HS3ST4: variants seen among roughly 807,000 people sequenced by gnomAD.
HS3ST4 encodes heparan sulfate glucosamine 3-O-sulfotransferase 4.
A neutral mutation model predicts 29.2 loss-of-function variants in HS3ST4; 17 were observed. The observed-to-expected ratio is 0.58, with a 90% confidence interval of 0.40 to 0.87. The LOEUF (loss-of-function observed/expected upper bound fraction) is 0.87. Among genes scored for constraint, HS3ST4 ranks in the 40% least tolerant of loss-of-function variants. The pLI is 0.00. For synonymous variants in HS3ST4, 314 were observed against 285.7 expected, an observed-to-expected ratio of 1.10 and a Z score of -1.00; for missense variants, 627 against 634.5, an observed-to-expected ratio of 0.99 and a Z score of 0.13.
chr16:25,939,299 C>T (rs1455865221), intron 1 of HS3ST4, among the ~76,000 whole-genome samples: 1 of 148,552 alleles, frequency 6.7e-6, no homozygotes, highest in Non-Finnish European at 1.5e-5. Flanking sequence ...TAAATGCTGA[C>T]AGCATTTATT....
chr16:25,897,746 A>T (rs758581143), intron 1 of HS3ST4, among the ~76,000 whole-genome samples: 1 of 151,834 alleles, frequency 6.6e-6, no homozygotes, highest in Non-Finnish European at 1.5e-5. Flanking sequence ...GAGGTGCTGG[A>T]TTGTGTTCCT....
intron 1 of HS3ST4, among the ~76,000 whole-genome samples, chr16:26,086,201 G>A (rs926784482): frequency 1.3e-5 from 2 of 151,884 alleles, no homozygotes; most frequent in Non-Finnish European, 2.9e-5. Context: ...TCGCCCTCTA[G>A]CCCTCTTGTT....
At chr16:26,026,508 A>C (rs1171123744) in intron 1 of HS3ST4, among the ~76,000 whole-genome samples, 3 of 152,168 alleles carry the variant, frequency 2.0e-5, no homozygotes, top group African/African-American at 7.2e-5. Context: ...TTTTCCATGC[A>C]GGCTAGCTTT....
At chr16:25,728,610 C>G (rs1192853996) in intron 1 of HS3ST4, among the ~76,000 whole-genome samples, 1 of 152,054 alleles carries the variant, frequency 6.6e-6, no homozygotes, top group Admixed American at 6.6e-5. Flanking sequence ...TTAAAGAAAG[C>G]CTCTGGGCAG....
chr16:26,000,905 T>G (rs1010200529), intron 1 of HS3ST4, among the ~76,000 whole-genome samples: 2 of 152,130 alleles, frequency 1.3e-5, no homozygotes, highest in African/African-American at 4.8e-5. Flanking sequence ...CTGGGGAAAG[T>G]TTTGTTTTTA....
chr16:25,863,670 G>A (rs1967661192), intron 1 of HS3ST4, among the ~76,000 whole-genome samples: 1 of 152,108 alleles, frequency 6.6e-6, no homozygotes, highest in African/African-American at 2.4e-5. Flanking sequence ...TTATAGACAG[G>A]TGTTATGTGT....
intron 1 of HS3ST4, among the ~76,000 whole-genome samples, chr16:25,945,035 TTAGA>T (rs1179722027): frequency 6.6e-6 from 1 of 152,202 alleles, no homozygotes; most frequent in Non-Finnish European, 1.5e-5. Flanking sequence ...AAACAGAATA[TTAGA>T]TAGTGCTAAA....
At chr16:25,721,034 T>A (rs145204875) in intron 1 of HS3ST4, among the ~76,000 whole-genome samples, 2 of 152,324 alleles carry the variant, frequency 1.3e-5, no homozygotes, top group Non-Finnish European at 2.9e-5. Context: ...GGGATGCCTG[T>A]TAGGTAGGCA....
At chr16:26,025,815 C>T (rs191854798) in intron 1 of HS3ST4, among the ~76,000 whole-genome samples, 28 of 152,246 alleles carry the variant, frequency 1.8e-4, no homozygotes, top group African/African-American at 5.3e-4. Flanking sequence ...CTCATTCTGT[C>T]GCCAGGCTGG....
intron 1 of HS3ST4, among the ~76,000 whole-genome samples, chr16:25,725,268 C>A (rs1966526045): frequency 6.6e-6 from 1 of 152,040 alleles, no homozygotes; most frequent in African/African-American, 2.4e-5. Flanking sequence ...ATTCTGTCAC[C>A]ATTGACTTGC....
intron 1 of HS3ST4, among the ~76,000 whole-genome samples, chr16:26,086,451 G>A (rs901992009): frequency 1.6e-4 from 24 of 151,862 alleles, no homozygotes; most frequent in Non-Finnish European, 3.1e-4. Flanking sequence ...CCAAGTTCAT[G>A]CCATTCTCCT....
intron 1 of HS3ST4, among the ~76,000 whole-genome samples, chr16:25,947,643 C>T (rs1212627906): frequency 3.3e-5 from 5 of 152,160 alleles, no homozygotes; most frequent in Non-Finnish European, 5.9e-5. Context: ...GTCAGCATTT[C>T]ATTGGCTAAA....
chr16:26,013,115 G>T (rs1001424146), intron 1 of HS3ST4, among the ~76,000 whole-genome samples: 9 of 152,236 alleles, frequency 5.9e-5, no homozygotes, highest in South Asian at 2.1e-4. Flanking sequence ...ACTGAGCTGA[G>T]ATCGTGCCAC....
At chr16:25,838,502 A>G (rs527927046) in intron 1 of HS3ST4, among the ~76,000 whole-genome samples, 1 of 152,342 alleles carries the variant, frequency 6.6e-6, no homozygotes, top group South Asian at 2.1e-4. Flanking sequence ...TCATATTTGC[A>G]GTTCATTCTT....
rs181979792 is a variant in HS3ST4 at position 26,002,560 on chromosome 16, A to T, written c.735-133052A>T. On this transcript the variant is annotated intron_variant, in intron 1 of 1. Transcript: ENST00000331351. ...TAAATGGTGGAAGGATGTGTCTATG[A>T]TTGTGCCACTCATTCCAGCCTGGGT... 2.0e-5 allele frequency among the ~76,000 whole-genome samples: 3 copies of T among 152,132 alleles called. No individual in the cohort carries two copies. The East Asian group carries it at 5.8e-4, about 29-fold the overall frequency.
At chr16:26,015,003 T>C (rs1488828934) in intron 1 of HS3ST4, among the ~76,000 whole-genome samples, 2 of 152,188 alleles carry the variant, frequency 1.3e-5, no homozygotes, top group South Asian at 2.1e-4. Context: ...TGGCAAATTG[T>C]TGAAGAAAAG....
chr16:25,940,600 G>A (rs980537261), intron 1 of HS3ST4, among the ~76,000 whole-genome samples: 1 of 152,202 alleles, frequency 6.6e-6, no homozygotes, highest in Non-Finnish European at 1.5e-5. Flanking sequence ...AGGCAAGTCT[G>A]CAAGCCTTGA....
At chr16:26,049,345 GGAGGTCTA>G (rs1420374854) in intron 1 of HS3ST4, among the ~76,000 whole-genome samples, 4 of 147,928 alleles carry the variant, frequency 2.7e-5, no homozygotes, top group Non-Finnish European at 3.0e-5. Context: ...GTCTACATCC[GGAGGTCTA>G]CATCCGGAGG....
intron 1 of HS3ST4, among the ~76,000 whole-genome samples, chr16:25,769,839 A>C (rs1474666570): frequency 6.6e-6 from 1 of 152,272 alleles, no homozygotes; most frequent in East Asian, 1.9e-4. Flanking sequence ...GATATTTACA[A>C]GGTTGTAGCC....
Sources: allele counts gnomAD v4.1 joint callset (sites outside exome capture counted in the v4.1 genomes callset), GRCh38; gene constraint gnomAD v4.1.1; transcripts MANE v1.5; gene names NCBI Gene and HGNC (gene_info 2026-07-23, HGNC 2026-07-21).